Variants in CCPG1 observed in about 807,000 individuals in gnomAD.
CCPG1 encodes cell cycle progression protein 1.
In CCPG1, 46 loss-of-function variants were observed where a neutral mutation model predicts 81.3. The observed-to-expected ratio is 0.57, with a 90% CI of 0.45 to 0.72. The LOEUF (loss-of-function observed/expected upper bound fraction) is 0.72. CCPG1 is among the 30% of genes least tolerant of loss of function. The pLI is 0.00. For synonymous variants in CCPG1, 330 were observed against 305.2 expected (o/e 1.08, Z -0.85); for missense variants, 902 against 937.6 (o/e 0.96, Z 0.50).
chr15:55,395,730 G>A (rs546180180), intron 1 of CCPG1, among the ~76,000 whole-genome samples: 2 of 152,222 alleles, frequency 1.3e-5, no homozygotes, highest in South Asian at 2.1e-4. Context: ...ATATTGTGCT[G>A]TAATTGCTTG....
intron 5 of CCPG1, among the ~76,000 whole-genome samples, chr15:55,374,469 C>G (rs1303527873): frequency 6.6e-6 from 1 of 152,048 alleles, no homozygotes; most frequent in Non-Finnish European, 1.5e-5. Flanking sequence ...AGGAAGCAGG[C>G]AGTGTTCTTA....
At chr15:55,390,465 A>G (rs925259703) in intron 1 of CCPG1, among the ~76,000 whole-genome samples, 2 of 152,212 alleles carry the variant, frequency 1.3e-5, no homozygotes, top group Non-Finnish European at 2.9e-5. Flanking sequence ...TTTATTCTAC[A>G]TGTGTCTTAT....
chr15:55,359,818 C>T lies in CCPG1; in HGVS notation c.1955G>A (p.Arg652Lys). The change falls in exon 8 of 9, where the codon AGG becomes AAG. Residue 652 changes from arginine (R) to lysine (K), a missense_variant. Around this residue, in one of 3 missense-constraint regions of CCPG1, gnomAD observed 746 missense variants for 728.6 expected, o/e 1.02. Coordinates refer to ENST00000442196, the MANE Select transcript of CCPG1 (RefSeq NM_001204450.2). ...AATTATCTGTCTAAATTCATCCATC[C>T]TTATAGGATTCACCACTGTGTTAAA... Reference protein sequence around the residue: ...SLFNTVVNPIRMDEFRQIIQR... With the variant: ...SLFNTVVNPIKMDEFRQIIQR... 1 of 1,613,358 alleles carries T rather than the reference C, an allele frequency of 6.2e-7. No homozygotes were observed. Among genetic ancestry groups the T allele is most frequent in the South Asian group, 1.1e-5 (1 of 91,038 alleles).
intron 1 of CCPG1, among the ~76,000 whole-genome samples, chr15:55,395,511 C>T (rs951102686): frequency 2.0e-4 from 30 of 152,154 alleles, no homozygotes; most frequent in Middle Eastern, 6.8e-3. Flanking sequence ...AATTCATTCC[C>T]GCTTTGCCCA....
chr15:55,361,777 A>G (rs2056204423), intron 7 of CCPG1, among the ~76,000 whole-genome samples: 1 of 152,098 alleles, frequency 6.6e-6, no homozygotes, highest in East Asian at 1.9e-4. Context: ...AATTGTTTGT[A>G]CTCAGTGTAC....
At chr15:55,394,640 G>A (rs1022996520) in intron 1 of CCPG1, among the ~76,000 whole-genome samples, 3 of 152,044 alleles carry the variant, frequency 2.0e-5, no homozygotes, top group Non-Finnish European at 4.4e-5. Flanking sequence ...TTCAAGGAAA[G>A]ATAACATTGA....
At chr15:55,378,828 T>G (rs1319283386) in intron 3 of CCPG1, among the ~76,000 whole-genome samples, 4 of 152,066 alleles carry the variant, frequency 2.6e-5, no homozygotes, top group African/African-American at 9.7e-5. Flanking sequence ...AACTCCTGAC[T>G]TCAAGCGATC....
chr15:55,363,799 C>CTTTTTTTTTTT (rs565044184), intron 7 of CCPG1, among the ~76,000 whole-genome samples: 19 of 93,932 alleles, frequency 2.0e-4, no homozygotes, highest in African/African-American at 4.5e-4. Context: ...TTTCCTTTTC[C>CTTTTTTTTTTT]TTTTTTTTTT....
At chr15:55,394,374 G>C (rs1459683212) in intron 1 of CCPG1, among the ~76,000 whole-genome samples, 1 of 152,110 alleles carries the variant, frequency 6.6e-6, no homozygotes, top group Non-Finnish European at 1.5e-5. Context: ...TAAGTGACTG[G>C]GTAACTGGAA....
chr15:55,407,043 C>CCCCCCA (rs939102482), intron 1 of CCPG1, among the ~76,000 whole-genome samples: 1 of 135,382 alleles, frequency 7.4e-6, no homozygotes, highest in African/African-American at 3.3e-5. Context: ...TGAGACCCCC[C>CCCCCCA]CCCCCGCCCC....
chr15:55,407,031 G>C (rs1200968674), intron 1 of CCPG1, among the ~76,000 whole-genome samples: 1 of 132,642 alleles, frequency 7.5e-6, no homozygotes, highest in Non-Finnish European at 1.6e-5. Context: ...TGGCCGACAC[G>C]TTGAGACCCC....
At position 55,404,927 on chromosome 15, in the gene CCPG1, G is replaced by A. The variant is rs376560361; in HGVS notation, c.-10+3294C>T. Among the ~76,000 whole-genome samples, 9 of 152,004 alleles carry A rather than the reference G, an allele frequency of 5.9e-5. No individual in the cohort carries two copies. The South Asian group carries it at 1.0e-3, about 17-fold the overall frequency. On this transcript the variant is annotated intron_variant, in intron 1 of 8. Transcript: ENST00000442196. ...TCTACTAAAAATACAAAAATTAGCC[G>A]GGCATGGTGGTGTGTGCCTGTAATC...
In CCPG1 at chr15:55,356,171, A is replaced by C. The variant is rs1426246357; in HGVS notation, c.*49T>G. On this transcript the variant is annotated 3_prime_UTR_variant, in exon 9 of 9. Coordinates refer to ENST00000442196, the MANE Select transcript of CCPG1 (RefSeq NM_001204450.2). ...TTAGTTTCAATACCAAACATTATAC[A>C]AAGCATAAATTTTTCTCTTACAGTT... 1 of 1,375,772 alleles carries C rather than the reference A, an allele frequency of 7.3e-7. No individual in the cohort carries two copies. The highest frequency in any genetic ancestry group is 1.5e-5 in the African/African-American group (1 of 68,314). 85.2% of individuals were successfully genotyped at this position (1,375,772 alleles called of 1,614,324 possible).
intron 1 of CCPG1, among the ~76,000 whole-genome samples, chr15:55,392,677 T>G (rs1287557318): frequency 1.3e-5 from 2 of 152,162 alleles, no homozygotes; most frequent in African/African-American, 4.8e-5. Context: ...TGCGCCACCA[T>G]GCCTAATATT....
chr15:55,407,043 C>CCCCCG (rs1566988271), intron 1 of CCPG1, among the ~76,000 whole-genome samples: 1 of 135,294 alleles, frequency 7.4e-6, no homozygotes, highest in Non-Finnish European at 1.5e-5. Context: ...TGAGACCCCC[C>CCCCCG]CCCCCGCCCC....
At chr15:55,365,378 A>C in intron 6 of CCPG1, 69 bp from the exon 7 acceptor site, 1 of 962,286 alleles carries the variant, frequency 1.0e-6, no homozygotes, top group South Asian at 1.5e-5. Context: ...TGTATTTTTT[A>C]ATATTGGTAA....
chr15:55,366,451 G>A (rs1448414861), intron 6 of CCPG1, among the ~76,000 whole-genome samples: 1 of 152,066 alleles, frequency 6.6e-6, no homozygotes, highest in East Asian at 1.9e-4. Context: ...ATCTGTACTG[G>A]AGTAGCACTG....
intron 6 of CCPG1, 119 bp downstream of exon 6, chr15:55,371,674 C>T: frequency 9.6e-7 from 1 of 1,036,862 alleles, no homozygotes. Flanking sequence ...AAACAGGCTT[C>T]AAGTTTTCAA....
intron 1 of CCPG1, among the ~76,000 whole-genome samples, chr15:55,390,660 C>A (rs1416698418): frequency 6.6e-6 from 1 of 150,754 alleles, no homozygotes; most frequent in East Asian, 2.0e-4. Context: ...TCACTCGTTG[C>A]GAATGTTGGC....
Sources: allele counts gnomAD v4.1 joint callset (sites outside exome capture counted in the v4.1 genomes callset), GRCh38; gene constraint gnomAD v4.1.1; regional missense constraint gnomAD v4.1.1; transcripts MANE v1.5; gene names NCBI Gene and HGNC (gene_info 2026-07-23, HGNC 2026-07-21).